The following CD276 variants were observed in gnomAD, a reference collection of about 807,000 sequenced individuals.
CD276 encodes CD276 molecule.
In CD276, 34 loss-of-function variants were observed where a neutral mutation model predicts 50.0. That is an observed-to-expected ratio of 0.68 (90% CI 0.52 to 0.91). The LOEUF (loss-of-function observed/expected upper bound fraction) is 0.91, where lower values mean the gene tolerates loss of function less well. CD276 is among the 40% of genes least tolerant of loss of function. The probability of loss-of-function intolerance (pLI) is 0.00; values close to 1 mark genes in which losing one functional copy is unlikely to be tolerated. For synonymous variants in CD276, 275 were observed against 313.0 expected (o/e 0.88, Z 1.28); for missense variants, 634 against 717.5 (o/e 0.88, Z 1.33).
chr15:73,706,782 C>G (rs1900667940), intron 6 of CD276, among the ~76,000 whole-genome samples: 2 of 152,224 alleles, frequency 1.3e-5, no homozygotes, highest in African/African-American at 2.4e-5. Flanking sequence ...ATTTATGGAG[C>G]AAGCCCTAGA....
chr15:73,708,805 A>T (rs1360393066), intron 7 of CD276: 1 of 350,036 alleles, frequency 2.9e-6, no homozygotes, highest in African/African-American at 2.1e-5. Flanking sequence ...TGTGTGTGAG[A>T]GAGCAGGCCA....
chr15:73,710,396 T>G (rs982596839), intron 8 of CD276, among the ~76,000 whole-genome samples: 1 of 152,170 alleles, frequency 6.6e-6, no homozygotes, highest in East Asian at 1.9e-4. Context: ...GGGAGGTACT[T>G]GCAAAGGACA....
Position 73,713,490 on chromosome 15 carries a change from G to A in CD276, c.*534G>A. 6.8e-6 allele frequency: 2 copies of A among 293,328 alleles called. No individual in the cohort carries two copies. Among genetic ancestry groups the A allele is most frequent in the Non-Finnish European group, 1.3e-5 (2 of 152,922 alleles). The allele number at this position is 293,328 out of a possible 1,614,324, so 18.2% of individuals were successfully genotyped here. A position where few individuals can be genotyped will look rare whatever the true frequency, so the allele number is the denominator to read the frequency against. On this transcript the variant is annotated 3_prime_UTR_variant, in exon 10 of 10. Coordinates refer to ENST00000318443, the MANE Select transcript of CD276 (RefSeq NM_001024736.2). ...TTTCTTCTCAGACAGGGACAGTGCG[G>A]CCTCAACATCTCCTGGAGTCTAGAA...
At chr15:73,701,516 A>G (rs1596011892) in intron 2 of CD276, among the ~76,000 whole-genome samples, 1 of 152,168 alleles carries the variant, frequency 6.6e-6, no homozygotes, top group East Asian at 1.9e-4. Flanking sequence ...TGTCTGCCAC[A>G]CTGGACGCTC....
At chr15:73,696,069 C>T (rs1221061155) in intron 1 of CD276, among the ~76,000 whole-genome samples, 2 of 152,228 alleles carry the variant, frequency 1.3e-5, no homozygotes, top group East Asian at 3.9e-4. Flanking sequence ...GTTGGATGCC[C>T]TTGCTGTACC....
At chr15:73,707,353 G>A (rs1460781935) in intron 6 of CD276, among the ~76,000 whole-genome samples, 1 of 152,186 alleles carries the variant, frequency 6.6e-6, no homozygotes, top group Non-Finnish European at 1.5e-5. Context: ...TATGTAAGAT[G>A]GAGTCACACA....
chr15:73,702,782 G>C lies in CD276; in HGVS notation c.429G>C (p.Ser143=), dbSNP rs1409458929. Residue 143 remains serine, a synonymous_variant, in exon 4 of 10, where the codon TCG becomes TCC. Coordinates refer to ENST00000318443, the MANE Select transcript of CD276 (RefSeq NM_001024736.2). ...CTCTGTCACCTCCAGCTCCCTACTC[G>C]AAGCCCAGCATGACCCTGGAGCCCA... ...AVSLQVAAPY[S]KPSMTLEPNK... The C allele has an allele frequency of 1.2e-6, 2 of 1,611,522 alleles. No homozygotes were observed. Among genetic ancestry groups the C allele is most frequent in the Admixed American group, 1.7e-5 (1 of 59,716 alleles).
intron 1 of CD276, among the ~76,000 whole-genome samples, chr15:73,694,086 T>G (rs1275928262): frequency 6.6e-6 from 1 of 152,042 alleles, no homozygotes; most frequent in Non-Finnish European, 1.5e-5. Flanking sequence ...TGTCTGGGAG[T>G]CCATAGGACA....
intron 9 of CD276, 75 bp downstream of exon 9, chr15:73,711,245 GCAT>G: frequency 5.3e-6 from 8 of 1,515,514 alleles, no homozygotes; most frequent in Non-Finnish European, 6.4e-6. Flanking sequence ...GGGTGGGTAG[GCAT>G]CATCCTTTCA....
chr15:73,710,640 C>T (rs185313737), intron 8 of CD276, among the ~76,000 whole-genome samples: 453 of 152,344 alleles, frequency 3.0e-3, no homozygotes, highest in Non-Finnish European at 5.3e-3. Context: ...TGTTGGTGCC[C>T]AGCGTGGCAG....
chr15:73,703,230 G>T, intron 4 of CD276, 144 bp downstream of exon 4: 1 of 1,061,024 alleles, frequency 9.4e-7, no homozygotes, highest in African/African-American at 1.6e-5. Context: ...ACGGGGAGGT[G>T]GGGATGTTCA....
chr15:73,690,899 G>C (rs978719614), intron 1 of CD276: 10 of 423,590 alleles, frequency 2.4e-5, no homozygotes, highest in Non-Finnish European at 4.3e-5. Flanking sequence ...GTAGGCTATG[G>C]AGGAGCTGCG....
At chr15:73,688,184 T>C (rs1013953956) in intron 1 of CD276, among the ~76,000 whole-genome samples, 11 of 152,008 alleles carry the variant, frequency 7.2e-5, no homozygotes, top group East Asian at 1.9e-4. Context: ...GGCCCAGATG[T>C]GTGGCCTGAC....
At chr15:73,686,193 C>T (rs1390514688) in intron 1 of CD276, 8 of 499,772 alleles carry the variant, frequency 1.6e-5, no homozygotes, top group African/African-American at 2.1e-5. Context: ...CCATGACTGA[C>T]CTTTGGAGTT....
chr15:73,695,456 G>T (rs372216657), intron 1 of CD276, among the ~76,000 whole-genome samples: 2 of 152,004 alleles, frequency 1.3e-5, no homozygotes, highest in Admixed American at 6.6e-5. Flanking sequence ...CCTCCAATTC[G>T]CCCTGACCAT....
At chr15:73,712,912 T>A (rs760199469) in intron 9 of CD276, 22 bp from the exon 10 acceptor site, 6 of 1,613,096 alleles carry the variant, frequency 3.7e-6, no homozygotes, top group Middle Eastern at 1.7e-4. Context: ...TCCCTTTTTT[T>A]TCTTCCCATC....
At chr15:73,706,845 G>T (rs1900669515) in intron 6 of CD276, among the ~76,000 whole-genome samples, 2 of 152,214 alleles carry the variant, frequency 1.3e-5, no homozygotes, top group African/African-American at 4.8e-5. Flanking sequence ...TGTAATTTGT[G>T]TTCCAGGGAC....
chr15:73,711,056 C>T (rs377600414), intron 8 of CD276, 79 bp from the exon 9 acceptor site: 2 of 1,486,568 alleles, frequency 1.3e-6, no homozygotes, highest in East Asian at 2.3e-5. Flanking sequence ...CCAGCCCTCA[C>T]TCCTCCCTCT....
At position 73,713,357 on chromosome 15, in the gene CD276, G is replaced by C; in HGVS notation, c.*401G>C. On this transcript the variant is annotated 3_prime_UTR_variant, in exon 10 of 10. Transcript: ENST00000318443. ...CAATATTCAGACTGACTGACCCCCT[G>C]CCTTATTTCACCAAAGACACGATGC... The C allele has an allele frequency of 3.7e-6, 1 of 267,560 alleles. No homozygotes were observed. The highest frequency in any genetic ancestry group is 7.1e-6 in the Non-Finnish European group (1 of 140,680). The allele number at this position is 267,560 out of a possible 1,614,324, so 16.6% of individuals were successfully genotyped here. A position where few individuals can be genotyped will look rare whatever the true frequency, so the allele number is the denominator to read the frequency against.
Sources: gnomAD v4.1 joint callset for allele counts (sites outside exome capture counted in the v4.1 genomes callset) on GRCh38, gnomAD v4.1.1 for gene constraint, MANE v1.5 for transcripts, NCBI Gene and HGNC (gene_info 2026-07-23, HGNC 2026-07-21) for gene names.